The following FAM180A variants were observed in gnomAD, a reference collection of about 807,000 sequenced individuals.
The protein encoded by FAM180A is family with sequence similarity 180 member A.
In FAM180A, 14 loss-of-function variants were observed where a neutral mutation model predicts 15.3. That is an observed-to-expected ratio of 0.92 (90% CI 0.61 to 1.43). FAM180A has a LOEUF of 1.43. FAM180A is among the 40% of genes most tolerant of loss of function. The probability of loss-of-function intolerance (pLI) is 0.00; values close to 1 mark genes in which losing one functional copy is unlikely to be tolerated. For missense variants in FAM180A, 200 were observed against 220.8 expected (o/e 0.91, Z 0.60); for synonymous variants, 90 against 96.8 (o/e 0.93, Z 0.41).
intron 2 of FAM180A, among the ~76,000 whole-genome samples, chr7:135,735,520 C>T (rs1201857561): frequency 6.6e-6 from 1 of 152,100 alleles, no homozygotes; most frequent in African/African-American, 2.4e-5. Context: ...CTGTCTCTGT[C>T]CTCCCCTGCC....
intron 1 of FAM180A, among the ~76,000 whole-genome samples, chr7:135,737,614 A>G (rs1409054542): frequency 9.1e-6 from 1 of 109,302 alleles, no homozygotes; most frequent in Non-Finnish European, 1.7e-5. Context: ...AAAAAGAAAG[A>G]AAAAAAAAAG....
intron 2 of FAM180A, among the ~76,000 whole-genome samples, chr7:135,736,256 T>C (rs1796869597): frequency 1.3e-5 from 2 of 151,990 alleles, no homozygotes; most frequent in Admixed American, 1.3e-4. Context: ...CACCTGACCT[T>C]GTGATCCGCC....
intron 1 of FAM180A, among the ~76,000 whole-genome samples, chr7:135,740,151 C>A (rs1241123782): frequency 2.0e-5 from 3 of 152,180 alleles, no homozygotes; most frequent in African/African-American, 7.2e-5. Flanking sequence ...ATTGCCAATG[C>A]CTGTAGTGTC....
intron 1 of FAM180A, among the ~76,000 whole-genome samples, chr7:135,739,446 TAAAAAAATACA>T (rs1232211832): frequency 1.3e-4 from 19 of 150,308 alleles, no homozygotes; most frequent in Non-Finnish European, 2.2e-4. Flanking sequence ...CCATCTCTAC[TAAAAAAATACA>T]AAAAATTAGC....
At chr7:135,739,108 G>T (rs1796910360) in intron 1 of FAM180A, among the ~76,000 whole-genome samples, 2 of 151,880 alleles carry the variant, frequency 1.3e-5, no homozygotes, top group African/African-American at 4.8e-5. Flanking sequence ...CCAGGAGTTT[G>T]AGACCAGCCT....
In FAM180A at chr7:135,739,488, C is replaced by T. The variant is rs377295137; in HGVS notation, c.77-2289G>A. Among the ~76,000 whole-genome samples, 679 of 139,170 alleles carry T rather than the reference C, an allele frequency of 4.9e-3. 3 individuals are homozygous for T. Among genetic ancestry groups the T allele is most frequent in the South Asian group, 0.03 (128 of 4,296 alleles). The allele number at this position is 139,170 out of a possible 152,430, so 91.3% of individuals were successfully genotyped here. A position where few individuals can be genotyped will look rare whatever the true frequency, so the allele number is the denominator to read the frequency against. On this transcript the variant is annotated intron_variant, in intron 1 of 3. Coordinates refer to ENST00000338588, the MANE Select transcript of FAM180A (RefSeq NM_205855.4). The stretch of plus-strand genomic sequence containing the variant: ...TTAGCCGGGTGTGGTGGCAGGCGCC[C>T]GTAGTCCCAGCTACTTGGGAGGCTG...
chr7:135,744,063 C>T (rs573910080), intron 1 of FAM180A, among the ~76,000 whole-genome samples: 168 of 152,266 alleles, frequency 1.1e-3, no homozygotes, highest in African/African-American at 3.9e-3. Context: ...TTGATCTCAG[C>T]GAGTGCTGTC....
intron 1 of FAM180A, among the ~76,000 whole-genome samples, chr7:135,738,806 G>A (rs1246135623): frequency 6.6e-6 from 1 of 152,180 alleles, no homozygotes; most frequent in African/African-American, 2.4e-5. Flanking sequence ...TCTGCCAGCT[G>A]ATAGAAAAAG....
chr7:135,738,711 C>T (rs1220617928), intron 1 of FAM180A, among the ~76,000 whole-genome samples: 1 of 152,170 alleles, frequency 6.6e-6, no homozygotes, highest in African/African-American at 2.4e-5. Context: ...TCTCCAGGAC[C>T]ACGTCAGGCT....
In FAM180A at chr7:135,730,229, T is replaced by C. The variant is rs1307199961; in HGVS notation, c.*382A>G. On this transcript the variant is annotated 3_prime_UTR_variant, in exon 4 of 4. Coordinates refer to ENST00000338588, the MANE Select transcript of FAM180A (RefSeq NM_205855.4). ...GAGATAGCTGTGAGGATGCCAACGA[T>C]GGAGGAAACTTAGAAAGTTTTTAGA... is the stretch of plus-strand genomic sequence containing the variant. The C allele has an allele frequency of 1.0e-6, 1 of 985,268 alleles. No homozygotes were observed. The highest frequency in any genetic ancestry group is 1.2e-6 in the Non-Finnish European group (1 of 829,926). 61.0% of individuals were successfully genotyped at this position (985,268 alleles called of 1,614,324 possible). A position where few individuals can be genotyped will look rare whatever the true frequency, so the allele number is the denominator to read the frequency against.
Position 135,748,751 on chromosome 7 carries a change from C to A in FAM180A, c.-171G>T, listed in dbSNP as rs73723911. ...TCAGAAGGCTGGAGGCTGAAGGCTG[C>A]GTCCTGGGTGGGACAGGAGTCGGTA... On this transcript the variant is annotated 5_prime_UTR_variant, in exon 1 of 4. Transcript: ENST00000338588. 11,839 of 626,982 alleles carry A rather than the reference C, an allele frequency of 0.019. 400 individuals carry two copies. Among genetic ancestry groups the A allele is most frequent in the East Asian group, 0.11 (3,979 of 36,720 alleles). 38.8% of individuals were successfully genotyped at this position (626,982 alleles called of 1,614,324 possible). A position where few individuals can be genotyped will look rare whatever the true frequency, so the allele number is the denominator to read the frequency against.
chr7:135,748,269 G>A (rs1253771986), intron 1 of FAM180A, among the ~76,000 whole-genome samples: 1 of 152,144 alleles, frequency 6.6e-6, no homozygotes, highest in African/African-American at 2.4e-5. Flanking sequence ...GCCAGAAAGG[G>A]GTACTCTCTG....
intron 2 of FAM180A, among the ~76,000 whole-genome samples, chr7:135,735,381 G>C (rs1166440580): frequency 6.6e-6 from 1 of 152,212 alleles, no homozygotes; most frequent in Non-Finnish European, 1.5e-5. Flanking sequence ...GGAATCAAGT[G>C]GGACACAGAT....
intron 3 of FAM180A, among the ~76,000 whole-genome samples, chr7:135,732,414 C>T (rs1045687150): frequency 1.3e-5 from 2 of 152,148 alleles, no homozygotes; most frequent in East Asian, 1.9e-4. Context: ...ATGACATGGT[C>T]GGGCGCAATG....
At chr7:135,746,637 T>G (rs10228973) in intron 1 of FAM180A, among the ~76,000 whole-genome samples, 6,295 of 152,238 alleles carry the variant, frequency 0.041, 291 homozygotes, top group African/African-American at 0.11. Context: ...TTACCCTGTT[T>G]AATAAGCAAA....
intron 1 of FAM180A, among the ~76,000 whole-genome samples, chr7:135,748,273 C>A (rs1000188586): frequency 1.3e-5 from 2 of 152,160 alleles, no homozygotes; most frequent in African/African-American, 2.4e-5. Context: ...GAAAGGGGTA[C>A]TCTCTGGGTT....
Position 135,737,206 on chromosome 7 carries a change from G to C in FAM180A, c.77-7C>G. The C allele has an allele frequency of 6.3e-7, 1 of 1,584,210 alleles. No individual in the cohort carries two copies. Among genetic ancestry groups the C allele is most frequent in the Admixed American group, 1.8e-5 (1 of 54,508 alleles). ...GCGGCAGGGAAGAGCACAGCTGAAA[G>C]AAAGAAAACAGTGAGTTCCTGGCTG... On this transcript the variant is annotated splice_region_variant and splice_polypyrimidine_tract_variant and intron_variant, in intron 1 of 3. Transcript: ENST00000338588.
chr7:135,748,334 TTCCCC>T (rs1797060353), intron 1 of FAM180A, among the ~76,000 whole-genome samples, 166 bp downstream of exon 1: 1 of 152,156 alleles, frequency 6.6e-6, no homozygotes, highest in Non-Finnish European at 1.5e-5. Flanking sequence ...CCAGTGTCAT[TTCCCC>T]ATCACCCTCT....
intron 2 of FAM180A, among the ~76,000 whole-genome samples, chr7:135,736,419 C>T (rs775896970): frequency 6.6e-6 from 1 of 152,230 alleles, no homozygotes; most frequent in Non-Finnish European, 1.5e-5. Flanking sequence ...GTTGAATTCT[C>T]TCATTTAACA....
Sources: allele counts gnomAD v4.1 joint callset (sites outside exome capture counted in the v4.1 genomes callset), GRCh38; gene constraint gnomAD v4.1.1; transcripts MANE v1.5; gene names NCBI Gene and HGNC (gene_info 2026-07-23, HGNC 2026-07-21).